Variants in ZNF385C observed in about 807,000 individuals in gnomAD.
ZNF385C encodes the protein CTD-2132N18.2.
In ZNF385C, 28 loss-of-function variants were observed where a neutral mutation model predicts 35.4. That is an observed-to-expected ratio of 0.79 (90% CI 0.59 to 1.08). The LOEUF is 1.08. Among genes scored for constraint, ZNF385C ranks in the 50% least tolerant of loss-of-function variants. The pLI is 0.00. For synonymous variants in ZNF385C, 248 were observed against 248.2 expected (o/e 1.00, Z 0.01); for missense variants, 605 against 595.6 (o/e 1.02, Z -0.16).
At chr17:42,035,646 G>T (rs561729604) in intron 3 of ZNF385C, among the ~76,000 whole-genome samples, 1 of 149,400 alleles carries the variant, frequency 6.7e-6, no homozygotes, top group East Asian at 2.0e-4. Context: ...CCACCTCTCA[G>T]GTTCAAGTGA....
At chr17:42,068,601 T>A (rs1208679413) in intron 1 of ZNF385C, among the ~76,000 whole-genome samples, 3 of 152,204 alleles carry the variant, frequency 2.0e-5, no homozygotes, top group African/African-American at 7.2e-5. Flanking sequence ...GTGAACCTCC[T>A]GCCCCAGCCT....
chr17:42,075,333 A>G (rs544401579), intron 1 of ZNF385C, among the ~76,000 whole-genome samples: 1 of 152,024 alleles, frequency 6.6e-6, no homozygotes, highest in East Asian at 1.9e-4. Flanking sequence ...AACTATACTG[A>G]GCGCTCCTCC....
At chr17:42,073,667 G>T (rs2053655161) in intron 1 of ZNF385C, among the ~76,000 whole-genome samples, 1 of 152,208 alleles carries the variant, frequency 6.6e-6, no homozygotes. Context: ...GGGGCATGGA[G>T]CCAACCAGGA....
chr17:42,076,363 T>C (rs113331634), intron 1 of ZNF385C, among the ~76,000 whole-genome samples: 15,575 of 152,022 alleles, frequency 0.1, 1,175 homozygotes, highest in African/African-American at 0.2. Flanking sequence ...GGCTCACGCC[T>C]GTAATCCCAG....
At chr17:42,048,417 T>C (rs1274479362) in intron 2 of ZNF385C, among the ~76,000 whole-genome samples, 1 of 150,846 alleles carries the variant, frequency 6.6e-6, no homozygotes, top group African/African-American at 2.4e-5. Context: ...TGGTGGCATA[T>C]GCCTATAGTC....
intron 2 of ZNF385C, among the ~76,000 whole-genome samples, chr17:42,058,742 G>A (rs946806256): frequency 6.6e-6 from 1 of 152,206 alleles, no homozygotes; most frequent in Non-Finnish European, 1.5e-5. Context: ...TGCAACGTCT[G>A]CCTCCCGGGT....
chr17:42,065,355 C>T (rs960855701), intron 1 of ZNF385C: 3 of 152,212 alleles, frequency 2.0e-5, no homozygotes, highest in Non-Finnish European at 4.4e-5. Flanking sequence ...GTTATGGCAA[C>T]CTGAGCAGAC....
At chr17:42,077,037 C>G (rs2053693852) in intron 1 of ZNF385C, among the ~76,000 whole-genome samples, 1 of 152,142 alleles carries the variant, frequency 6.6e-6, no homozygotes, top group Admixed American at 6.5e-5. Context: ...CACTACTGGC[C>G]AGTCTTATCC....
chr17:42,064,068 G>GCACACACACA (rs1197685074), intron 1 of ZNF385C, among the ~76,000 whole-genome samples: 19 of 59,562 alleles, frequency 3.2e-4, no homozygotes, highest in East Asian at 2.0e-3. Context: ...GCGCGCACAC[G>GCACACACACA]CACATACACA....
chr17:42,078,032 C>G (rs2053703287), intron 1 of ZNF385C, among the ~76,000 whole-genome samples: 1 of 152,226 alleles, frequency 6.6e-6, no homozygotes, highest in Non-Finnish European at 1.5e-5. Flanking sequence ...CCAGGCTCCC[C>G]CAGTGGAAAC....
intron 1 of ZNF385C, among the ~76,000 whole-genome samples, chr17:42,071,041 GGGCCACACCCTGA>G (rs1567994082): frequency 6.6e-6 from 1 of 152,028 alleles, no homozygotes; most frequent in Non-Finnish European, 1.5e-5. Context: ...GGGTCACCCA[GGGCCACACCCTGA>G]GATCCCCTCA....
At position 42,095,503 on chromosome 17, in the gene ZNF385C, G is replaced by T. The variant is rs2053908778; in HGVS notation, c.-3+2907C>A. 6.6e-6 allele frequency among the ~76,000 whole-genome samples: 1 copy of T among 152,238 alleles called. No homozygotes were observed. The highest frequency in any genetic ancestry group is 2.1e-4 in the South Asian group (1 of 4,812). On this transcript the variant is annotated intron_variant, in intron 1 of 8. Coordinates refer to ENST00000692273, the MANE Select transcript of ZNF385C (RefSeq NM_001392013.1). The surrounding 1 kb of genome is among the most constrained non-coding windows in gnomAD (Gnocchi z 4.4). ...GCTAGCTTCCATCCCTCCTGCTGCT[G>T]CGGCCCCATTTAGCTCTCTCCTTGC...
chr17:42,049,511 G>C (rs1444262702), intron 2 of ZNF385C, among the ~76,000 whole-genome samples: 3 of 152,234 alleles, frequency 2.0e-5, no homozygotes, highest in African/African-American at 7.2e-5. Context: ...TTCCCAGGCA[G>C]AGAGGGCAGT....
At chr17:42,083,596 C>A (rs571935999) in intron 1 of ZNF385C, among the ~76,000 whole-genome samples, 1 of 150,086 alleles carries the variant, frequency 6.7e-6, no homozygotes, top group African/African-American at 2.5e-5. Flanking sequence ...TACATTTTAC[C>A]AAGAAAATCC....
Position 42,037,810 on chromosome 17 carries a change from A to G in ZNF385C, c.326T>C (p.Leu109Pro). The change falls in exon 3 of 9, where the codon CTG (leucine) becomes CCG (proline). Residue 109 changes from leucine (L) to proline (P), a missense_variant. By Grantham distance (98) the Leu-to-Pro change is moderately conservative. Coordinates refer to ENST00000692273, the MANE Select transcript of ZNF385C (RefSeq NM_001392013.1). ...PLPTRPLQPP[L>P]DFKHLLAFHF... The stretch of plus-strand genomic sequence containing the variant: ...GAAGGCGAGCAAGTGCTTGAAGTCC[A>G]GCGGGGGCTGCAGAGGCCGGGTGGG... 1 of 1,525,726 alleles carries G rather than the reference A, an allele frequency of 6.6e-7. No individual in the cohort carries two copies. Among genetic ancestry groups the G allele is most frequent in the Non-Finnish European group, 8.8e-7 (1 of 1,135,512 alleles). 94.5% of individuals were successfully genotyped at this position (1,525,726 alleles called of 1,614,324 possible). A position where few individuals can be genotyped will look rare whatever the true frequency, so the allele number is the denominator to read the frequency against.
chr17:42,086,575 G>A (rs771125346), intron 1 of ZNF385C, among the ~76,000 whole-genome samples: 2 of 150,898 alleles, frequency 1.3e-5, no homozygotes, highest in Admixed American at 6.6e-5. Flanking sequence ...GGTGGCGTGC[G>A]CCTGTCATTC....
At position 42,028,194 on chromosome 17, in the gene ZNF385C, G is replaced by A. The variant is rs1460167587; in HGVS notation, c.1020C>T (p.Ser340=). The change falls in exon 7 of 9, where the codon AGC becomes AGT. Residue 340 remains serine, a synonymous_variant. Transcript: ENST00000692273. ...MEGQRGAPRR[S]RGRPVSRGGA... is the part of the protein sequence containing the mutation. ...CTCCCCTGGACACCGGGCGGCCCCG[G>A]CTCCTCCGGGGAGCCCCTCGCTGAC... The A allele has an allele frequency of 3.2e-6, 5 of 1,585,740 alleles. 1 individual carries two copies. Among genetic ancestry groups the A allele is most frequent in the Non-Finnish European group, 1.7e-6 (2 of 1,167,388 alleles).
intron 2 of ZNF385C, among the ~76,000 whole-genome samples, chr17:42,042,599 G>A (rs145777821): frequency 1.3e-5 from 2 of 152,306 alleles, no homozygotes; most frequent in African/African-American, 2.4e-5. Flanking sequence ...GATTTAGGCA[G>A]TGAGAAGAGT....
At chr17:42,088,205 G>A (rs1395628320) in intron 1 of ZNF385C, among the ~76,000 whole-genome samples, 1 of 152,250 alleles carries the variant, frequency 6.6e-6, no homozygotes, top group East Asian at 1.9e-4. Context: ...CTGGGTCTGG[G>A]AGGTTGGGAC....
Sources: allele counts gnomAD v4.1 joint callset (sites outside exome capture counted in the v4.1 genomes callset), GRCh38; gene constraint gnomAD v4.1.1; non-coding constraint Gnocchi (gnomAD v3.1); transcripts MANE v1.5; gene names NCBI Gene and HGNC (gene_info 2026-07-23, HGNC 2026-07-21).